Variants in SUSD1 observed in about 807,000 individuals in gnomAD.
SUSD1 encodes the protein sushi domain-containing protein 1.
SUSD1 carries 65 observed loss-of-function variants against 86.9 expected under a neutral mutation model. The observed-to-expected ratio is 0.75, with a 90% CI of 0.61 to 0.92. SUSD1 has a LOEUF of 0.92. SUSD1 is among the 40% of genes least tolerant of loss of function. SUSD1 has a pLI of 0.00. For synonymous variants in SUSD1, 346 were observed against 350.0 expected, an observed-to-expected ratio of 0.99 and a Z score of 0.13; for missense variants, 850 against 929.7, an observed-to-expected ratio of 0.91 and a Z score of 1.11.
chr9:112,069,054 C>T (rs1001750555), intron 12 of SUSD1, among the ~76,000 whole-genome samples: 2 of 152,048 alleles, frequency 1.3e-5, no homozygotes, highest in Middle Eastern at 6.3e-3. Context: ...TAGGAGCAAA[C>T]CCCATGGTGG....
At chr9:112,139,067 T>C (rs570236310) in intron 5 of SUSD1, among the ~76,000 whole-genome samples, 33 of 152,204 alleles carry the variant, frequency 2.2e-4, no homozygotes, top group Non-Finnish European at 3.2e-4. Flanking sequence ...CCAGCAAGTA[T>C]AGGAAGAATT....
At position 112,041,313 on chromosome 9, in the gene SUSD1, C is replaced by A. The variant is rs1827724111; in HGVS notation, c.*179G>T. On this transcript the variant is annotated 3_prime_UTR_variant, in exon 17 of 17. Coordinates refer to ENST00000374270, the MANE Select transcript of SUSD1 (RefSeq NM_022486.5). Reference sequence around the variant, plus strand: ...CCTGAGTTTTCTCCTTATGGTGACTCCTCAGGGATAGCCACCATCTTAAAT... The same window carrying A: ...CCTGAGTTTTCTCCTTATGGTGACTACTCAGGGATAGCCACCATCTTAAAT... The A allele has an allele frequency of 1.5e-5, 10 of 662,204 alleles. No individual in the cohort carries two copies. The highest frequency in any genetic ancestry group is 2.7e-5 in the Non-Finnish European group (10 of 365,120). The allele number at this position is 662,204 out of a possible 1,614,324, so 41.0% of individuals were successfully genotyped here. A position where few individuals can be genotyped will look rare whatever the true frequency, so the allele number is the denominator to read the frequency against.
chr9:112,073,563 G>A (rs1435435030), intron 12 of SUSD1, among the ~76,000 whole-genome samples: 1 of 117,750 alleles, frequency 8.5e-6, no homozygotes, highest in African/African-American at 3.2e-5. Flanking sequence ...ATAAGAAAAT[G>A]TTGCCTACAA....
intron 14 of SUSD1, among the ~76,000 whole-genome samples, chr9:112,055,999 G>A (rs901079593): frequency 6.6e-6 from 1 of 152,198 alleles, no homozygotes; most frequent in African/African-American, 2.4e-5. Context: ...GATGGCTCAT[G>A]CCTGTAATCC....
At chr9:112,124,530 CCACT>C (rs925556439) in intron 5 of SUSD1, 94 bp from the exon 6 acceptor site, 4 of 1,206,914 alleles carry the variant, frequency 3.3e-6, no homozygotes, top group Admixed American at 2.8e-5. Context: ...GTGATAGAGG[CCACT>C]CAAACAGGAA....
intron 14 of SUSD1, among the ~76,000 whole-genome samples, chr9:112,052,987 A>G (rs1828285678): frequency 6.6e-6 from 1 of 152,172 alleles, no homozygotes; most frequent in Non-Finnish European, 1.5e-5. Flanking sequence ...AAATCTATAG[A>G]TTCAGTGGAA....
chr9:112,075,476 C>G (rs998293390), intron 12 of SUSD1, among the ~76,000 whole-genome samples: 2 of 152,136 alleles, frequency 1.3e-5, no homozygotes, highest in African/African-American at 4.8e-5. Context: ...CCTATAATCT[C>G]AGCACTTTGG....
At chr9:112,105,441 G>A (rs769892164) in intron 8 of SUSD1, among the ~76,000 whole-genome samples, 20 of 152,056 alleles carry the variant, frequency 1.3e-4, no homozygotes, top group African/African-American at 2.7e-4. Context: ...ACAGGGGACC[G>A]GGCATAGTGG....
At position 112,175,156 on chromosome 9, in the gene SUSD1, G is replaced by A. The variant is rs1254327177; in HGVS notation, c.80C>T (p.Ala27Val). 3 of 1,085,240 alleles carry A rather than the reference G, an allele frequency of 2.8e-6. No homozygotes were observed. Among genetic ancestry groups the A allele is most frequent in the East Asian group, 6.0e-5 (1 of 16,548 alleles). 67.2% of individuals were successfully genotyped at this position (1,085,240 alleles called of 1,614,324 possible). ...ACCGTCGGGGCCCGGCGCTCCCGCG[G>A]CGCCGCGGGCCAGGCCGAGCAGCAG... ...LLLLLGLARGAAGAPGPDGLD... is the reference protein window; with the variant it reads ...LLLLLGLARGVAGAPGPDGLD... Residue 27 changes from alanine (A) to valine (V), a missense_variant, in exon 1 of 17, where the codon GCC (alanine) becomes GTC (valine). By Grantham distance (64) the Ala-to-Val change is moderately conservative. Coordinates refer to ENST00000374270, the MANE Select transcript of SUSD1 (RefSeq NM_022486.5). This position sits in a 1 kb window ranked among gnomAD's most constrained non-coding sequence, Gnocchi z 4.7.
rs117415007 is a variant in SUSD1, at chr9:112,113,091, G to C, written c.887-223C>G. ...TTACCTGACTTAGAGGGAAAGGAAA[G>C]ATTCCAGCTTGGATATAGGTCAGAA... On this transcript the variant is annotated intron_variant, in intron 6 of 16. Coordinates refer to ENST00000374270, the MANE Select transcript of SUSD1 (RefSeq NM_022486.5). The surrounding 1 kb of genome is among the most constrained non-coding windows in gnomAD (Gnocchi z 4.1). 6.6e-6 allele frequency among the ~76,000 whole-genome samples: 1 copy of C among 152,304 alleles called. No individual in the cohort carries two copies. Among genetic ancestry groups the C allele is most frequent in the Non-Finnish European group, 1.5e-5 (1 of 68,026 alleles).
At chr9:112,143,307 C>T (rs1184294336) in intron 4 of SUSD1, among the ~76,000 whole-genome samples, 164 bp downstream of exon 4, 1 of 151,924 alleles carries the variant, frequency 6.6e-6, no homozygotes, top group Non-Finnish European at 1.5e-5. Context: ...AACATGGCCC[C>T]CTGTAACTTG....
chr9:112,091,819 G>T, intron 10 of SUSD1, among the ~76,000 whole-genome samples: 1 of 152,134 alleles, frequency 6.6e-6, no homozygotes, highest in East Asian at 1.9e-4. Context: ...GAGCTTTACT[G>T]TTATTTTATT....
rs1008306799 is a variant in SUSD1, at chr9:112,113,766, T to C, written c.887-898A>G. ...GGCCAACATAGTGAAACCCCATCTC[T>C]ACTAAAAATACAAAACTTAGCGGTG... On this transcript the variant is annotated intron_variant, in intron 6 of 16. Coordinates refer to ENST00000374270, the MANE Select transcript of SUSD1 (RefSeq NM_022486.5). This position sits in a 1 kb window ranked among gnomAD's most constrained non-coding sequence, Gnocchi z 4.1. Among the ~76,000 whole-genome samples, 31 of 152,028 alleles carry C rather than the reference T, an allele frequency of 2.0e-4. No individual in the cohort carries two copies. The highest frequency in any genetic ancestry group is 3.8e-4 in the Non-Finnish European group (26 of 68,014).
intron 6 of SUSD1, among the ~76,000 whole-genome samples, chr9:112,118,563 C>T (rs534342166): frequency 6.6e-6 from 1 of 152,314 alleles, no homozygotes; most frequent in South Asian, 2.1e-4. Context: ...CAGCTGACTG[C>T]AACCTCCGCC....
intron 1 of SUSD1, among the ~76,000 whole-genome samples, chr9:112,161,084 A>G (rs1029347661): frequency 1.3e-5 from 2 of 152,204 alleles, no homozygotes; most frequent in African/African-American, 4.8e-5. Context: ...TCAATTCATA[A>G]TGACATGCAG....
At chr9:112,134,039 G>C (rs757246559) in intron 5 of SUSD1, among the ~76,000 whole-genome samples, 1 of 151,980 alleles carries the variant, frequency 6.6e-6, no homozygotes, top group Non-Finnish European at 1.5e-5. Flanking sequence ...AGTCAGAATG[G>C]CTATTATTAA....
chr9:112,066,229 C>T (rs1828972514), intron 12 of SUSD1, among the ~76,000 whole-genome samples: 1 of 152,162 alleles, frequency 6.6e-6, no homozygotes, highest in Admixed American at 6.5e-5. Flanking sequence ...GAATGAGAGA[C>T]CTCTGTGCCT....
chr9:112,052,211 A>G, intron 15 of SUSD1, 188 bp downstream of exon 15: 1 of 1,525,120 alleles, frequency 6.6e-7, no homozygotes, highest in Non-Finnish European at 8.8e-7. Context: ...AGCTCTTTGT[A>G]TAATTCCATA....
intron 12 of SUSD1, among the ~76,000 whole-genome samples, chr9:112,075,736 C>A (rs1370879646): frequency 6.6e-6 from 1 of 152,132 alleles, no homozygotes; most frequent in Non-Finnish European, 1.5e-5. Flanking sequence ...CAGAGTGAGA[C>A]CCTATCTCTA....
Sources: gnomAD v4.1 joint callset for allele counts (sites outside exome capture counted in the v4.1 genomes callset) on GRCh38, gnomAD v4.1.1 for gene constraint, Gnocchi (gnomAD v3.1) non-coding constraint, MANE v1.5 for transcripts, NCBI Gene and HGNC (gene_info 2026-07-23, HGNC 2026-07-21) for gene names.